The following RNF207 variants were observed in gnomAD, a reference collection of about 807,000 sequenced individuals.
RNF207 encodes the protein OTTHUMG00000001089.
In RNF207, 72 loss-of-function variants were observed where a neutral mutation model predicts 79.0. That is an observed-to-expected ratio of 0.91 (90% CI 0.75 to 1.11). The LOEUF (loss-of-function observed/expected upper bound fraction) is 1.11, where lower values mean the gene tolerates loss of function less well. RNF207 is among the 50% of genes least tolerant of loss of function. RNF207 has a pLI of 0.00. For synonymous variants in RNF207, 348 were observed against 366.2 expected, an observed-to-expected ratio of 0.95 and a Z score of 0.57; for missense variants, 936 against 855.8, an observed-to-expected ratio of 1.09 and a Z score of -1.17.
chr1:6,219,097 CAG>C, intron 17 of RNF207, 137 bp from the exon 18 acceptor site: 1 of 674,736 alleles, frequency 1.5e-6, no homozygotes, highest in Non-Finnish European at 2.5e-6. Flanking sequence ...CTTTTGGAGA[CAG>C]AGCCTTCCTG....
chr1:6,208,481 G>GCA (rs751535930), intron 3 of RNF207: 41 of 176,250 alleles, frequency 2.3e-4, no homozygotes, highest in Non-Finnish European at 4.6e-4. Flanking sequence ...ACCATGCCCA[G>GCA]CTAATTTTTG....
chr1:6,207,585 C>T lies in RNF207; in HGVS notation c.324+74C>T, dbSNP rs1443246730. 6.8e-7 allele frequency: 1 copy of T among 1,460,696 alleles called. No individual in the cohort carries two copies. The highest frequency in any genetic ancestry group is 9.3e-7 in the Non-Finnish European group (1 of 1,073,178). 90.5% of individuals were successfully genotyped at this position (1,460,696 alleles called of 1,614,324 possible). On this transcript the variant is annotated intron_variant, in intron 3 of 17. Transcript: ENST00000377939. The surrounding 1 kb of genome is among the most constrained non-coding windows in gnomAD (Gnocchi z 4.5). ...ACAGTCCCCAATGCTTGCACATGCACTCAGCATGTCTTCAGAGGACGACCT... is the reference window on the plus strand; with the variant it reads ...ACAGTCCCCAATGCTTGCACATGCATTCAGCATGTCTTCAGAGGACGACCT...
In RNF207 at chr1:6,207,273, A is replaced by C. The variant is rs1571197286; in HGVS notation, c.192-106A>C. ...AGACCCCAGAGCTGTGGTGCACCCC[A>C]CCTCCCAACACAGCTATTTTTAGCT... On this transcript the variant is annotated intron_variant, in intron 2 of 17. Transcript: ENST00000377939. The surrounding 1 kb of genome is among the most constrained non-coding windows in gnomAD (Gnocchi z 4.5). The C allele has an allele frequency of 8.4e-6, 10 of 1,191,502 alleles. No individual in the cohort carries two copies. The highest frequency in any genetic ancestry group is 1.2e-5 in the Non-Finnish European group (10 of 865,648). The allele number at this position is 1,191,502 out of a possible 1,614,324, so 73.8% of individuals were successfully genotyped here. A position where few individuals can be genotyped will look rare whatever the true frequency, so the allele number is the denominator to read the frequency against.
chr1:6,208,373 C>G (rs951186996), intron 3 of RNF207: 1 of 154,712 alleles, frequency 6.5e-6, no homozygotes, highest in Non-Finnish European at 1.4e-5. Flanking sequence ...GGCTGGAGTG[C>G]AGTGGCGCCA....
rs1668523459 is a variant in RNF207 at position 6,220,818 on chromosome 1, T to C, written c.*1411T>C. ...AAAAAGTAACCCACGTGACGTAAAATTTTACAAGTTTTTGTGGCAAAATGA... is the reference window on the plus strand; with the variant it reads ...AAAAAGTAACCCACGTGACGTAAAACTTTACAAGTTTTTGTGGCAAAATGA... On this transcript the variant is annotated 3_prime_UTR_variant, in exon 18 of 18. Coordinates refer to ENST00000377939, the MANE Select transcript of RNF207 (RefSeq NM_207396.3). 1 of 152,116 alleles carries C rather than the reference T, an allele frequency of 6.6e-6. No individual in the cohort carries two copies. Among genetic ancestry groups the C allele is most frequent in the Non-Finnish European group, 1.5e-5 (1 of 68,036 alleles). 9.4% of individuals were successfully genotyped at this position (152,116 alleles called of 1,614,324 possible). A position where few individuals can be genotyped will look rare whatever the true frequency, so the allele number is the denominator to read the frequency against.
chr1:6,209,820 G>C (rs900275914), intron 7 of RNF207, 104 bp from the exon 8 acceptor site: 11 of 1,251,654 alleles, frequency 8.8e-6, no homozygotes, highest in Non-Finnish European at 1.0e-5. Flanking sequence ...AGGTTGGAGA[G>C]ATACCTAGTG....
Position 6,218,314 on chromosome 1 carries a change from T to C in RNF207, c.1678T>C (p.Ser560Pro). The C allele has an allele frequency of 1.9e-6, 3 of 1,614,000 alleles. No individual in the cohort carries two copies. Among genetic ancestry groups the C allele is most frequent in the Non-Finnish European group, 2.5e-6 (3 of 1,179,888 alleles). The change falls in exon 17 of 18, where the codon TCA becomes CCA. Residue 560 changes from serine to proline, a missense_variant. Physicochemically the swap from Ser to Pro is moderately conservative, Grantham distance 74. Transcript: ENST00000377939. ...PRFQAPVDEQ[S>P]ESLQNTHDDS... ...GTTTCAGGCACCCGTGGATGAGCAG[T>C]CAGAGAGTCTACAGAACACGCACGA...
Position 6,213,085 on chromosome 1 carries a change from C to T in RNF207, c.1554C>T (p.Leu518=). 3 of 1,613,162 alleles carry T rather than the reference C, an allele frequency of 1.9e-6. No homozygotes were observed. Among genetic ancestry groups the T allele is most frequent in the Non-Finnish European group, 2.5e-6 (3 of 1,179,462 alleles). ...CCACAGCCCAGCTCCATGACCTTCT[C>T]CAGCTGAGGCAGGAGAATGCCTACC... ...EIYEAQLHDL[L]QLRQENAYLT... is the part of the protein sequence containing the mutation. Residue 518 remains leucine, a synonymous_variant, in exon 16 of 18, where the codon CTC becomes CTT. Transcript: ENST00000377939.
At position 6,209,402 on chromosome 1, in the gene RNF207, C is replaced by A; in HGVS notation, c.628-12C>A. ...GGCGGCGATCGCGAGCCTGACCACG[C>A]CCTGTCCCCAGGCCGTGAAGGCCCT... On this transcript the variant is annotated splice_polypyrimidine_tract_variant and intron_variant, in intron 6 of 17. Coordinates refer to ENST00000377939, the MANE Select transcript of RNF207 (RefSeq NM_207396.3). The A allele has an allele frequency of 6.6e-7, 1 of 1,524,190 alleles. No homozygotes were observed. Among genetic ancestry groups the A allele is most frequent in the Non-Finnish European group, 8.8e-7 (1 of 1,140,712 alleles). 94.4% of individuals were successfully genotyped at this position (1,524,190 alleles called of 1,614,324 possible). A position where few individuals can be genotyped will look rare whatever the true frequency, so the allele number is the denominator to read the frequency against.
In RNF207 at chr1:6,219,404, T is replaced by C; in HGVS notation, c.1902T>C (p.Thr634=). 1 of 1,600,344 alleles carries C rather than the reference T, an allele frequency of 6.2e-7. No homozygotes were observed. Among genetic ancestry groups the C allele is most frequent in the Non-Finnish European group, 8.5e-7 (1 of 1,172,756 alleles). ...GDVPTWREHP[T] is the part of the protein sequence containing the mutation. Reference sequence around the variant, plus strand: ...TCCCCACATGGAGGGAACACCCGACTTAGCAAATGGGACCGGTCCCCAGGG... The same window carrying C: ...TCCCCACATGGAGGGAACACCCGACCTAGCAAATGGGACCGGTCCCCAGGG... Residue 634 remains threonine (T), a synonymous_variant, in exon 18 of 18, where the codon ACT becomes ACC. Transcript: ENST00000377939.
chr1:6,209,072 G>A (rs1487089880), intron 4 of RNF207, 43 bp from the exon 5 acceptor site: 6 of 1,544,486 alleles, frequency 3.9e-6, no homozygotes, highest in Non-Finnish European at 5.2e-6. Flanking sequence ...GGGGCGGGGC[G>A]GGCACTGACC....
intron 10 of RNF207, 110 bp downstream of exon 10, chr1:6,210,548 G>A (rs1668120616): frequency 1.2e-6 from 1 of 813,132 alleles, no homozygotes; most frequent in Non-Finnish European, 2.0e-6. Context: ...CCTGGACCAG[G>A]GATCTCGGGG....
chr1:6,207,282 C>A lies in RNF207; in HGVS notation c.192-97C>A. 1 of 1,312,056 alleles carries A rather than the reference C, an allele frequency of 7.6e-7. No individual in the cohort carries two copies. Among genetic ancestry groups the A allele is most frequent in the Non-Finnish European group, 1.0e-6 (1 of 967,052 alleles). 81.3% of individuals were successfully genotyped at this position (1,312,056 alleles called of 1,614,324 possible). ...AGCTGTGGTGCACCCCACCTCCCAA[C>A]ACAGCTATTTTTAGCTCCAGCCTGG... On this transcript the variant is annotated intron_variant, in intron 2 of 17. Coordinates refer to ENST00000377939, the MANE Select transcript of RNF207 (RefSeq NM_207396.3). The surrounding 1 kb of genome is among the most constrained non-coding windows in gnomAD (Gnocchi z 4.5).
intron 3 of RNF207, chr1:6,208,666 C>G (rs898936264): frequency 3.6e-6 from 2 of 553,888 alleles, no homozygotes; most frequent in Non-Finnish European, 3.1e-6. Flanking sequence ...CACCCCCCTC[C>G]ACGGACCTAC....
rs1449897209 is a variant in RNF207 at position 6,219,561 on chromosome 1, C to T, written c.*154C>T. On this transcript the variant is annotated 3_prime_UTR_variant, in exon 18 of 18. Transcript: ENST00000377939. Reference sequence around the variant, plus strand: ...AGGCTGGAGTGTAATGGTGCAATCTCGGCTCACTGCAACCTCTGCCTCCTG... The same window carrying T: ...AGGCTGGAGTGTAATGGTGCAATCTTGGCTCACTGCAACCTCTGCCTCCTG... 2 of 470,900 alleles carry T rather than the reference C, an allele frequency of 4.2e-6. No homozygotes were observed. Among genetic ancestry groups the T allele is most frequent in the Admixed American group, 3.8e-5 (1 of 26,490 alleles). The allele number at this position is 470,900 out of a possible 1,614,324, so 29.2% of individuals were successfully genotyped here.
In RNF207 at chr1:6,208,865, C is replaced by A; in HGVS notation, c.325-16C>A. On this transcript the variant is annotated splice_polypyrimidine_tract_variant and intron_variant, in intron 3 of 17. Transcript: ENST00000377939. ...GGTCGGGCTCTGGCGCTCCTGAGCC[C>A]GCGCTCGGCCCGCAGGACGTGGAGA... 2.0e-6 allele frequency: 3 copies of A among 1,522,442 alleles called. No individual in the cohort carries two copies. The highest frequency in any genetic ancestry group is 2.6e-6 in the Non-Finnish European group (3 of 1,140,512). 94.3% of individuals were successfully genotyped at this position (1,522,442 alleles called of 1,614,324 possible). A position where few individuals can be genotyped will look rare whatever the true frequency, so the allele number is the denominator to read the frequency against.
At chr1:6,215,798 G>C (rs1332215249) in intron 16 of RNF207, among the ~76,000 whole-genome samples, 1 of 152,200 alleles carries the variant, frequency 6.6e-6, no homozygotes, top group African/African-American at 2.4e-5. Flanking sequence ...GAGTAGCTGG[G>C]ATTACAGGTG....
At position 6,208,996 on chromosome 1, in the gene RNF207, A is replaced by T. The variant is rs753687913; in HGVS notation, c.440A>T (p.Gln147Leu). 6.6e-7 allele frequency: 1 copy of T among 1,518,846 alleles called. No individual in the cohort carries two copies. Among genetic ancestry groups the T allele is most frequent in the Non-Finnish European group, 8.8e-7 (1 of 1,135,870 alleles). 94.1% of individuals were successfully genotyped at this position (1,518,846 alleles called of 1,614,324 possible). ...CGCCACGACATCGTGGCCCTGGGTC[A>T]GCGAAGCCGCGACGTGCCCCAGAAG... ...FARHDIVALG[Q>L]RSRDVPQKCT... Residue 147 changes from glutamine (Q) to leucine (L), a missense_variant, in exon 4 of 18, where the codon CAG becomes CTG. By Grantham distance (113) the Gln-to-Leu change is moderately radical (BLOSUM62 -2). Transcript: ENST00000377939.
In RNF207 at chr1:6,210,877, T is replaced by C. The variant is rs747016269; in HGVS notation, c.950T>C (p.Met317Thr). 6.2e-7 allele frequency: 1 copy of C among 1,600,716 alleles called. No homozygotes were observed. Among genetic ancestry groups the C allele is most frequent in the Non-Finnish European group, 8.5e-7 (1 of 1,174,898 alleles). ...AEFLDLGYEL[M>T]ERLQGIVTRP... Reference sequence around the variant, plus strand: ...CCCTCCTCACTGCCACAGGAGCTGATGGAGAGGCTGCAGGGCATCGTCACG... The same window carrying C: ...CCCTCCTCACTGCCACAGGAGCTGACGGAGAGGCTGCAGGGCATCGTCACG... The change falls in exon 11 of 18, where the codon ATG (methionine) becomes ACG (threonine). Residue 317 changes from methionine (M) to threonine (T), a missense_variant. Transcript: ENST00000377939.
Sources: gnomAD v4.1 joint callset for allele counts (sites outside exome capture counted in the v4.1 genomes callset) on GRCh38, gnomAD v4.1.1 for gene constraint, Gnocchi (gnomAD v3.1) non-coding constraint, MANE v1.5 for transcripts, NCBI Gene and HGNC (gene_info 2026-07-23, HGNC 2026-07-21) for gene names.